Variants in SP140L observed in about 807,000 individuals in gnomAD.
SP140L encodes the protein SP140 like nuclear body protein.
SP140L carries 64 observed loss-of-function variants against 84.3 expected under a neutral mutation model. The ratio of observed to expected loss-of-function variants is 0.76; its 90% CI spans 0.62 to 0.94. SP140L has a LOEUF of 0.94. Among genes scored for constraint, SP140L ranks in the 40% least tolerant of loss-of-function variants. The probability of loss-of-function intolerance (pLI) is 0.00; values close to 1 mark genes in which losing one functional copy is unlikely to be tolerated. For synonymous variants in SP140L, 242 were observed against 236.9 expected, an observed-to-expected ratio of 1.02 and a Z score of -0.20; for missense variants, 628 against 692.5, an observed-to-expected ratio of 0.91 and a Z score of 1.05.
intron 4 of SP140L, 133 bp downstream of exon 4, chr2:230,359,265 C>A: frequency 1.3e-6 from 1 of 742,998 alleles, no homozygotes; most frequent in Non-Finnish European, 2.2e-6. Flanking sequence ...ATAGACGTGT[C>A]ATGAGTCTTC....
intron 2 of SP140L, among the ~76,000 whole-genome samples, chr2:230,330,546 T>G (rs2059698241): frequency 6.6e-6 from 1 of 152,220 alleles, no homozygotes; most frequent in African/African-American, 2.4e-5. Flanking sequence ...ATAGATCAAT[T>G]TGAAGAGAGC....
chr2:230,394,575 C>A (rs1463526386), intron 13 of SP140L, among the ~76,000 whole-genome samples: 6 of 152,228 alleles, frequency 3.9e-5, no homozygotes, highest in Admixed American at 3.3e-4. Flanking sequence ...GCAACTCTAC[C>A]TTTCCCCAGG....
chr2:230,366,732 T>TATG (rs1384461077), intron 5 of SP140L, among the ~76,000 whole-genome samples: 1 of 148,180 alleles, frequency 6.7e-6, no homozygotes, highest in Non-Finnish European at 1.5e-5. Flanking sequence ...TTATTATTAT[T>TATG]ATTATTATTA....
chr2:230,382,130 T>C (rs2061428435), intron 7 of SP140L, among the ~76,000 whole-genome samples: 1 of 152,068 alleles, frequency 6.6e-6, no homozygotes, highest in South Asian at 2.1e-4. Context: ...CAATCTATCC[T>C]CTTTGTCCAT....
intron 2 of SP140L, among the ~76,000 whole-genome samples, chr2:230,341,637 T>C (rs2060046157): frequency 6.7e-6 from 1 of 149,358 alleles, no homozygotes; most frequent in Admixed American, 6.6e-5. Flanking sequence ...CTACTTTTGG[T>C]CTTTGATGAT....
intron 7 of SP140L, among the ~76,000 whole-genome samples, chr2:230,382,414 T>C (rs1167396887): frequency 6.6e-6 from 1 of 152,080 alleles, no homozygotes; most frequent in African/African-American, 2.4e-5. Flanking sequence ...GGGTTGGAGG[T>C]GTTCCTGCCT....
chr2:230,391,282 G>A (rs904456088), intron 11 of SP140L, among the ~76,000 whole-genome samples: 1 of 152,142 alleles, frequency 6.6e-6, no homozygotes, highest in South Asian at 2.1e-4. Context: ...TTAACTTATT[G>A]AGGAAACACC....
chr2:230,363,803 G>A (rs73110380), intron 5 of SP140L, among the ~76,000 whole-genome samples: 3,975 of 151,964 alleles, frequency 0.026, 197 homozygotes, highest in African/African-American at 0.091. Context: ...GCAGCTTCAG[G>A]TATTAAATTT....
At chr2:230,342,705 T>C (rs1253989405) in intron 2 of SP140L, among the ~76,000 whole-genome samples, 1 of 152,258 alleles carries the variant, frequency 6.6e-6, no homozygotes, top group Non-Finnish European at 1.5e-5. Context: ...AGTAGCCTAA[T>C]GATTCTTTGA....
At chr2:230,400,275 T>G (rs924592198) in intron 15 of SP140L, 33 bp downstream of exon 15, 2 of 1,604,570 alleles carry the variant, frequency 1.2e-6, no homozygotes, top group Admixed American at 1.7e-5. Flanking sequence ...TCTTTCATCC[T>G]TTAAGGGACC....
chr2:230,366,484 T>G (rs1273529944), intron 5 of SP140L, among the ~76,000 whole-genome samples: 1 of 151,882 alleles, frequency 6.6e-6, no homozygotes, highest in East Asian at 1.9e-4. Context: ...CACTTCTATC[T>G]TGTCATTTTC....
At chr2:230,336,907 G>A (rs1286397776) in intron 2 of SP140L, among the ~76,000 whole-genome samples, 1 of 152,108 alleles carries the variant, frequency 6.6e-6, no homozygotes, top group Non-Finnish European at 1.5e-5. Context: ...GTTTGTTTCT[G>A]ATGTCAGTTT....
At chr2:230,352,270 G>C (rs2060387276) in intron 2 of SP140L, among the ~76,000 whole-genome samples, 1 of 151,760 alleles carries the variant, frequency 6.6e-6, no homozygotes, top group Non-Finnish European at 1.5e-5. Context: ...TTCTCATACT[G>C]CTACAAAGAA....
intron 7 of SP140L, among the ~76,000 whole-genome samples, chr2:230,375,654 A>G (rs1357025211): frequency 2.0e-5 from 3 of 152,154 alleles, no homozygotes; most frequent in Non-Finnish European, 4.4e-5. Context: ...GGTTAGTGAT[A>G]TTGAGTGCTT....
At chr2:230,380,615 C>T (rs2061372494) in intron 7 of SP140L, among the ~76,000 whole-genome samples, 1 of 152,206 alleles carries the variant, frequency 6.6e-6, no homozygotes, top group Admixed American at 6.5e-5. Context: ...TGGAAAGGTT[C>T]CTTATATCCT....
At chr2:230,391,945 G>A (rs2061826490) in intron 11 of SP140L, 142 bp from the exon 12 acceptor site, 1 of 1,191,628 alleles carries the variant, frequency 8.4e-7, no homozygotes, top group Non-Finnish European at 1.2e-6. Flanking sequence ...TGGGGCCTCT[G>A]AAGTCTGAGA....
At chr2:230,343,279 T>C (rs2060114601) in intron 2 of SP140L, among the ~76,000 whole-genome samples, 1 of 147,620 alleles carries the variant, frequency 6.8e-6, no homozygotes, top group African/African-American at 2.5e-5. Context: ...GTTCCTCCCA[T>C]GTGTTCATGT....
At chr2:230,400,014 C>T in intron 14 of SP140L, 113 bp from the exon 15 acceptor site, 2 of 1,050,314 alleles carry the variant, frequency 1.9e-6, no homozygotes, top group Non-Finnish European at 2.8e-6. Flanking sequence ...CAGGGAGAAG[C>T]ATATGCCTGT....
chr2:230,363,190 G>A (rs1438758749), intron 5 of SP140L, among the ~76,000 whole-genome samples: 3 of 152,218 alleles, frequency 2.0e-5, no homozygotes, highest in African/African-American at 7.2e-5. Context: ...TCAGCAGTGG[G>A]ACTGATGGAT....
Sources: gnomAD v4.1 joint callset for allele counts (sites outside exome capture counted in the v4.1 genomes callset) on GRCh38, gnomAD v4.1.1 for gene constraint, MANE v1.5 for transcripts, NCBI Gene and HGNC (gene_info 2026-07-23, HGNC 2026-07-21) for gene names.